Variants in SLC35F1 observed in about 807,000 individuals in gnomAD.
The protein encoded by SLC35F1 is chromosome 6 open reading frame 169.
A neutral mutation model predicts 48.7 loss-of-function variants in SLC35F1; 14 were observed. The ratio of observed to expected loss-of-function variants is 0.29; its 90% confidence interval spans 0.19 to 0.45. The LOEUF is 0.45. Among genes scored for constraint, SLC35F1 ranks in the 20% least tolerant of loss-of-function variants. The probability of loss-of-function intolerance (pLI) is 1.00; values close to 1 mark genes in which losing one functional copy is unlikely to be tolerated. For missense variants in SLC35F1, 404 were observed against 500.0 expected (o/e 0.81, Z 1.83); for synonymous variants, 190 against 202.2 (o/e 0.94, Z 0.51).
intron 1 of SLC35F1, among the ~76,000 whole-genome samples, chr6:117,953,479 C>G (rs1326437583): frequency 1.3e-5 from 2 of 152,080 alleles, no homozygotes; most frequent in African/African-American, 4.8e-5. Flanking sequence ...CTGAGAGACA[C>G]ATATATCTAG....
intron 7 of SLC35F1, among the ~76,000 whole-genome samples, chr6:118,305,162 A>C (rs567843445): frequency 6.7e-6 from 1 of 149,742 alleles, no homozygotes; most frequent in Admixed American, 6.6e-5. Flanking sequence ...ACAAGTCCAA[A>C]ATCTACAAGG....
At chr6:118,180,290 C>A (rs1774554996) in intron 2 of SLC35F1, among the ~76,000 whole-genome samples, 1 of 152,048 alleles carries the variant, frequency 6.6e-6, no homozygotes, top group African/African-American at 2.4e-5. Flanking sequence ...AGAATTCCCA[C>A]AGGTCAAGTT....
At chr6:117,924,418 T>A (rs537062393) in intron 1 of SLC35F1, among the ~76,000 whole-genome samples, 33 of 118,462 alleles carry the variant, frequency 2.8e-4, no homozygotes, top group African/African-American at 1.1e-3. Context: ...CATATGTATA[T>A]ATACACATAC....
At chr6:118,155,720 C>T (rs1774130621) in intron 2 of SLC35F1, among the ~76,000 whole-genome samples, 1 of 152,016 alleles carries the variant, frequency 6.6e-6, no homozygotes, top group African/African-American at 2.4e-5. Context: ...CATCAATTTT[C>T]CCCAAAATAG....
chr6:118,060,559 A>T (rs1489320539), intron 1 of SLC35F1, among the ~76,000 whole-genome samples: 3 of 152,154 alleles, frequency 2.0e-5, no homozygotes, highest in Non-Finnish European at 4.4e-5. Context: ...GATTTTCTCT[A>T]AAACATTCAG....
At chr6:118,131,348 A>G (rs1773709499) in intron 1 of SLC35F1, among the ~76,000 whole-genome samples, 1 of 152,212 alleles carries the variant, frequency 6.6e-6, no homozygotes. Flanking sequence ...TTATACTTTA[A>G]GCATTTTTAT....
At chr6:117,926,686 G>T (rs1776032904) in intron 1 of SLC35F1, among the ~76,000 whole-genome samples, 1 of 152,138 alleles carries the variant, frequency 6.6e-6, no homozygotes. Context: ...GAGAGGAAGA[G>T]ATGTCAGAGG....
At position 118,228,532 on chromosome 6, in the gene SLC35F1, G is replaced by A. The variant is rs139659839; in HGVS notation, c.350-6977G>A. Among the ~76,000 whole-genome samples the A allele has an allele frequency of 1.8e-3, 281 of 152,026 alleles. 3 individuals are homozygous for A. Among genetic ancestry groups the A allele is most frequent in the African/African-American group, 4.4e-3 (183 of 41,492 alleles). The stretch of plus-strand genomic sequence containing the variant: ...AGCCTGGGCAACATGACGAAATCCC[G>A]ACTCTATAAAAATTGGTCAGATATG... On this transcript the variant is annotated intron_variant, in intron 2 of 7. Transcript: ENST00000360388.
intron 1 of SLC35F1, among the ~76,000 whole-genome samples, chr6:118,026,435 A>G (rs1017761869): frequency 4.6e-5 from 7 of 152,182 alleles, no homozygotes; most frequent in African/African-American, 1.4e-4. Flanking sequence ...ATGGTGTTTA[A>G]CTATTGTTTT....
intron 3 of SLC35F1, among the ~76,000 whole-genome samples, chr6:118,248,303 C>T (rs951275460): frequency 1.2e-4 from 18 of 152,136 alleles, no homozygotes; most frequent in African/African-American, 4.3e-4. Context: ...AATAATGGCC[C>T]TCCAAAGAAG....
intron 1 of SLC35F1, among the ~76,000 whole-genome samples, chr6:117,908,943 G>A (rs1051350189): frequency 6.6e-6 from 1 of 152,188 alleles, no homozygotes; most frequent in Admixed American, 6.5e-5. Flanking sequence ...ACTGTCTGGG[G>A]CTCAAAGCTC....
At chr6:118,275,998 T>C (rs1446315217) in intron 5 of SLC35F1, among the ~76,000 whole-genome samples, 1 of 152,180 alleles carries the variant, frequency 6.6e-6, no homozygotes, top group Non-Finnish European at 1.5e-5. Context: ...CAACCACCAA[T>C]AGAAAACTTA....
chr6:118,206,410 A>G (rs1009875114), intron 2 of SLC35F1, among the ~76,000 whole-genome samples: 2 of 152,138 alleles, frequency 1.3e-5, no homozygotes, highest in African/African-American at 4.8e-5. Flanking sequence ...TCTTACTCTC[A>G]ATGGCTTCTC....
At chr6:118,288,793 A>G (rs1438497600) in intron 7 of SLC35F1, among the ~76,000 whole-genome samples, 1 of 152,026 alleles carries the variant, frequency 6.6e-6, no homozygotes, top group Admixed American at 6.6e-5. Context: ...GTCCATTCAG[A>G]TGGTTGGGGG....
chr6:118,101,939 GTGAAAGAATGC>G (rs1039130046), intron 1 of SLC35F1, among the ~76,000 whole-genome samples: 2 of 152,178 alleles, frequency 1.3e-5, no homozygotes, highest in African/African-American at 4.8e-5. Flanking sequence ...AAAGGAAGAA[GTGAAAGAATGC>G]TTAATTTGGC....
intron 2 of SLC35F1, among the ~76,000 whole-genome samples, chr6:118,232,085 A>T (rs988569083): frequency 2.0e-5 from 3 of 152,216 alleles, no homozygotes; most frequent in South Asian, 4.1e-4. Context: ...ATTAAACATG[A>T]AATTTATTTA....
At chr6:117,944,570 T>C (rs888917365) in intron 1 of SLC35F1, among the ~76,000 whole-genome samples, 3 of 140,870 alleles carry the variant, frequency 2.1e-5, no homozygotes, top group African/African-American at 8.0e-5. Context: ...GATCCCCCTC[T>C]CCCAAAACAC....
chr6:117,963,359 T>TG (rs1746507098), intron 1 of SLC35F1, among the ~76,000 whole-genome samples: 2 of 151,738 alleles, frequency 1.3e-5, no homozygotes, highest in South Asian at 2.1e-4. Flanking sequence ...TTTTTTTTTT[T>TG]GGCTGCATAT....
At chr6:118,019,240 C>T (rs1777360812) in intron 1 of SLC35F1, among the ~76,000 whole-genome samples, 2 of 151,686 alleles carry the variant, frequency 1.3e-5, no homozygotes, top group Admixed American at 6.6e-5. Context: ...TTTATATCCA[C>T]CTATCTATAT....
Sources: gnomAD v4.1 joint callset for allele counts (sites outside exome capture counted in the v4.1 genomes callset) on GRCh38, gnomAD v4.1.1 for gene constraint, MANE v1.5 for transcripts, NCBI Gene and HGNC (gene_info 2026-07-23, HGNC 2026-07-21) for gene names.